The following METTL15 variants were observed in gnomAD, a reference collection of about 807,000 sequenced individuals.
METTL15 encodes the protein methyltransferase 15, mitochondrial 12S rRNA N4-cytidine.
In METTL15, 34 loss-of-function variants were observed where a neutral mutation model predicts 38.3. The ratio of observed to expected loss-of-function variants is 0.89; its 90% CI spans 0.68 to 1.18. METTL15 has a LOEUF of 1.18. Among genes scored for constraint, METTL15 ranks in the 50% most tolerant of loss-of-function variants. The probability of loss-of-function intolerance (pLI) is 0.00; values close to 1 mark genes in which losing one functional copy is unlikely to be tolerated. For missense variants in METTL15, 438 were observed against 498.4 expected (o/e 0.88, Z 1.15); for synonymous variants, 162 against 170.9 (o/e 0.95, Z 0.41).
chr11:28,371,403 A>G (rs1006195843), intron 5 of METTL15, among the ~76,000 whole-genome samples: 1 of 152,014 alleles, frequency 6.6e-6, no homozygotes, highest in Non-Finnish European at 1.5e-5. Flanking sequence ...TATTTATTCC[A>G]GTACCATGCT....
At chr11:28,259,408 G>C (rs7110766) in intron 4 of METTL15, among the ~76,000 whole-genome samples, 151,644 of 152,220 alleles carry the variant, frequency 1, 75,541 homozygotes, top group Middle Eastern at 1. Context: ...TCATGTACCC[G>C]CCAAGTCCAG....
chr11:28,309,948 C>A (rs1857216684), intron 6 of METTL15, among the ~76,000 whole-genome samples: 1 of 152,230 alleles, frequency 6.6e-6, no homozygotes, highest in Middle Eastern at 3.4e-3. Context: ...TTCTTAGAGG[C>A]CTACCCACGT....
chr11:28,260,358 C>T (rs545471833), intron 4 of METTL15, among the ~76,000 whole-genome samples: 9 of 152,262 alleles, frequency 5.9e-5, no homozygotes, highest in African/African-American at 2.2e-4. Flanking sequence ...TTATCACTAC[C>T]TCCGCTATCA....
At chr11:28,433,293 A>G (rs1464611460) in intron 6 of METTL15, among the ~76,000 whole-genome samples, 1 of 151,704 alleles carries the variant, frequency 6.6e-6, no homozygotes, top group Non-Finnish European at 1.5e-5. Context: ...TATGTATTCT[A>G]TATACCATAA....
At chr11:28,377,579 T>C (rs1850331692) in intron 5 of METTL15, among the ~76,000 whole-genome samples, 1 of 151,634 alleles carries the variant, frequency 6.6e-6, no homozygotes, top group Non-Finnish European at 1.5e-5. Flanking sequence ...TTTCAAAGTT[T>C]TCAACTTCTT....
intron 6 of METTL15, among the ~76,000 whole-genome samples, chr11:28,503,022 C>A (rs1242719198): frequency 1.3e-5 from 2 of 152,198 alleles, no homozygotes; most frequent in Non-Finnish European, 2.9e-5. Flanking sequence ...GTTTATTTCT[C>A]ACTTGCTGTC....
At chr11:28,428,867 C>G (rs771107913) in intron 6 of METTL15, among the ~76,000 whole-genome samples, 1 of 152,166 alleles carries the variant, frequency 6.6e-6, no homozygotes, top group Non-Finnish European at 1.5e-5. Context: ...TGGCAGATCC[C>G]CTTCCTATAA....
intron 3 of METTL15, among the ~76,000 whole-genome samples, chr11:28,139,943 A>T (rs1849641434): frequency 8.4e-6 from 1 of 119,572 alleles, no homozygotes; most frequent in African/African-American, 3.3e-5. Context: ...CCTTTTGCCT[A>T]GGCCAGGGGT....
intron 3 of METTL15, among the ~76,000 whole-genome samples, chr11:28,114,108 C>G (rs1248370694): frequency 1.3e-5 from 2 of 152,106 alleles, no homozygotes; most frequent in African/African-American, 2.4e-5. Context: ...AGTATGAAAC[C>G]CCATTCCCAT....
At chr11:28,156,081 G>C (rs969897808) in intron 3 of METTL15, among the ~76,000 whole-genome samples, 10 of 152,050 alleles carry the variant, frequency 6.6e-5, no homozygotes, top group African/African-American at 2.4e-4. Flanking sequence ...GGAAAGTTTT[G>C]TATGTTCCCA....
intron 6 of METTL15, among the ~76,000 whole-genome samples, chr11:28,514,678 G>C (rs1174351038): frequency 6.6e-6 from 1 of 152,202 alleles, no homozygotes; most frequent in Non-Finnish European, 1.5e-5. Context: ...CCCTGTTGAA[G>C]TGTTGACACC....
At chr11:28,128,140 C>T (rs1852573144) in intron 3 of METTL15, among the ~76,000 whole-genome samples, 1 of 152,038 alleles carries the variant, frequency 6.6e-6, no homozygotes, top group African/African-American at 2.4e-5. Context: ...GCTCTGTGGG[C>T]ATTTTCATAT....
chr11:28,448,090 A>G (rs1294159938), intron 6 of METTL15, among the ~76,000 whole-genome samples: 1 of 150,802 alleles, frequency 6.6e-6, no homozygotes, highest in African/African-American at 2.5e-5. Flanking sequence ...CCTCATAACT[A>G]CTCTCTTTTC....
intron 6 of METTL15, among the ~76,000 whole-genome samples, chr11:28,315,801 G>C (rs997620595): frequency 7.2e-5 from 11 of 152,258 alleles, no homozygotes; most frequent in African/African-American, 2.7e-4. Flanking sequence ...AAGAGGCCAA[G>C]TTACAGCTCA....
chr11:28,486,464 C>T (rs752020981), intron 6 of METTL15, among the ~76,000 whole-genome samples: 1 of 151,994 alleles, frequency 6.6e-6, no homozygotes, highest in Non-Finnish European at 1.5e-5. Flanking sequence ...GAGAAATTGG[C>T]AGGCCCTGGA....
intron 3 of METTL15, among the ~76,000 whole-genome samples, chr11:28,120,146 G>A (rs139783772): frequency 0.033 from 4,992 of 151,684 alleles, 279 homozygotes; most frequent in African/African-American, 0.11. Context: ...TAGAGACAGG[G>A]TTTCACCGTG....
chr11:28,500,619 G>A (rs1363446366), intron 6 of METTL15, among the ~76,000 whole-genome samples: 2 of 151,878 alleles, frequency 1.3e-5, no homozygotes, highest in African/African-American at 4.8e-5. Flanking sequence ...TGCAACCCAG[G>A]TTCAAGCGAT....
At chr11:28,496,027 A>C (rs1227927066) in intron 6 of METTL15, among the ~76,000 whole-genome samples, 1 of 152,232 alleles carries the variant, frequency 6.6e-6, no homozygotes, top group Non-Finnish European at 1.5e-5. Context: ...GATGTGGCAT[A>C]ATCATTGATC....
intron 3 of METTL15, among the ~76,000 whole-genome samples, chr11:28,341,826 A>G (rs1036133751): frequency 1.3e-5 from 2 of 152,062 alleles, no homozygotes; most frequent in Non-Finnish European, 2.9e-5. Context: ...CTGTGTGGCC[A>G]TTTTGCAATC....
Sources: gnomAD v4.1 joint callset for allele counts (sites outside exome capture counted in the v4.1 genomes callset) on GRCh38, gnomAD v4.1.1 for gene constraint, MANE v1.5 for transcripts, NCBI Gene and HGNC (gene_info 2026-07-23, HGNC 2026-07-21) for gene names.